Variants in SLC6A2 observed in about 807,000 individuals in gnomAD.
SLC6A2 encodes the protein solute carrier family 6 member 2.
SLC6A2 carries 26 observed loss-of-function variants against 71.7 expected under a neutral mutation model. The observed-to-expected ratio is 0.36, with a 90% confidence interval of 0.27 to 0.50. The LOEUF is 0.50. SLC6A2 is among the 20% of genes least tolerant of loss of function. The pLI is 0.96. For missense variants in SLC6A2, 581 were observed against 803.9 expected (o/e 0.72, Z 3.35); for synonymous variants, 363 against 337.9 (o/e 1.07, Z -0.82).
intron 4 of SLC6A2, 57 bp downstream of exon 4, chr16:55,672,232 A>C: frequency 6.2e-7 from 1 of 1,613,970 alleles, no homozygotes; most frequent in Non-Finnish European, 8.5e-7. Context: ...GTATGACCTG[A>C]GCCAAACACT....
At chr16:55,690,981 T>C (rs569100674) in intron 5 of SLC6A2, among the ~76,000 whole-genome samples, 10 of 152,182 alleles carry the variant, frequency 6.6e-5, no homozygotes, top group African/African-American at 2.2e-4. Flanking sequence ...CTGAATAAGG[T>C]ACGTTGTCTG....
At position 55,672,191 on chromosome 16, in the gene SLC6A2, C is replaced by T. The variant is rs11568342; in HGVS notation, c.644+16C>T. Reference sequence around the variant, plus strand: ...AGTTTTATGAGTAAGTCACAGACCCCTTGTGCTGGGCCTGTTGAGGCCAGT... The same window carrying T: ...AGTTTTATGAGTAAGTCACAGACCCTTTGTGCTGGGCCTGTTGAGGCCAGT... On this transcript the variant is annotated intron_variant, in intron 4 of 14. Transcript: ENST00000568943. The T allele has an allele frequency of 9.1e-5, 147 of 1,614,136 alleles. 1 individual carries two copies. The African/African-American group carries it at 1.4e-3, about 16-fold the overall frequency.
Position 55,698,572 on chromosome 16 carries a change from T to A in SLC6A2, c.1489+4T>A, listed in dbSNP as rs1567457747. On this transcript the variant is annotated splice_donor_region_variant and intron_variant, in intron 11 of 14. Transcript: ENST00000568943. ...ATCGGAGTTTCCTGGTTTTATGGTA[T>A]GTGAGTGTGTGGAAAAGCCTCAGCT... 1.3e-6 allele frequency: 2 copies of A among 1,597,676 alleles called. No homozygotes were observed. The highest frequency in any genetic ancestry group is 1.7e-6 in the Non-Finnish European group (2 of 1,164,910).
chr16:55,700,733 C>T (rs1316651068), intron 13 of SLC6A2, among the ~76,000 whole-genome samples: 1 of 152,188 alleles, frequency 6.6e-6, no homozygotes, highest in Non-Finnish European at 1.5e-5. Flanking sequence ...TTTTCACCTG[C>T]CTCTTTCCAG....
intron 2 of SLC6A2, among the ~76,000 whole-genome samples, chr16:55,668,936 T>G (rs1277242701): frequency 6.6e-6 from 1 of 152,188 alleles, no homozygotes; most frequent in African/African-American, 2.4e-5. Context: ...TTAGACTCCC[T>G]TCTCTGCCCC....
chr16:55,657,978 T>C (rs565273749), intron 2 of SLC6A2, among the ~76,000 whole-genome samples: 1 of 152,030 alleles, frequency 6.6e-6, no homozygotes, highest in East Asian at 1.9e-4. Flanking sequence ...ATAGACCTTT[T>C]GAGGAAGAAA....
At chr16:55,702,191 A>C (rs1447648536) in intron 14 of SLC6A2, 132 bp from the exon 15 acceptor site, 1 of 946,714 alleles carries the variant, frequency 1.1e-6, no homozygotes, top group East Asian at 2.4e-5. Flanking sequence ...ATCAACTTGC[A>C]CGTTCCCTGA....
intron 4 of SLC6A2, among the ~76,000 whole-genome samples, chr16:55,672,905 TA>T (rs1212192052): frequency 6.6e-6 from 1 of 152,224 alleles, no homozygotes; most frequent in African/African-American, 2.4e-5. Flanking sequence ...TTAAAAGTAG[TA>T]AAAATAGTGC....
At chr16:55,702,246 C>T (rs1965994330) in intron 14 of SLC6A2, 77 bp from the exon 15 acceptor site, 12 of 1,424,446 alleles carry the variant, frequency 8.4e-6, no homozygotes, top group Non-Finnish European at 1.2e-5. Flanking sequence ...TCTCTACCTC[C>T]TGCTGCCCCC....
intron 5 of SLC6A2, among the ~76,000 whole-genome samples, chr16:55,691,453 G>A (rs1388810991): frequency 6.6e-6 from 1 of 152,128 alleles, no homozygotes; most frequent in Non-Finnish European, 1.5e-5. Flanking sequence ...GCCAATGCCT[G>A]TATTCATAGC....
chr16:55,689,058 C>A (rs370921143), intron 5 of SLC6A2, among the ~76,000 whole-genome samples: 1 of 152,148 alleles, frequency 6.6e-6, no homozygotes, highest in South Asian at 2.1e-4. Flanking sequence ...TGATGTTGTG[C>A]TCAAAATTGG....
At chr16:55,684,312 A>G (rs539411272) in intron 4 of SLC6A2, among the ~76,000 whole-genome samples, 2 of 151,292 alleles carry the variant, frequency 1.3e-5, no homozygotes, top group Non-Finnish European at 2.9e-5. Flanking sequence ...AAAAAAAAAA[A>G]AAAAACAACA....
At chr16:55,688,814 C>T (rs951990179) in intron 5 of SLC6A2, among the ~76,000 whole-genome samples, 1 of 152,174 alleles carries the variant, frequency 6.6e-6, no homozygotes, top group Admixed American at 6.5e-5. Context: ...ACCTCACCAC[C>T]TTCCTGGGCA....
intron 3 of SLC6A2, among the ~76,000 whole-genome samples, chr16:55,671,153 G>T (rs892234421): frequency 6.6e-6 from 1 of 152,214 alleles, no homozygotes; most frequent in South Asian, 2.1e-4. Context: ...AGTGCGGGAA[G>T]TGATCCTTAG....
At chr16:55,666,876 G>A (rs996775719) in intron 2 of SLC6A2, among the ~76,000 whole-genome samples, 6 of 152,210 alleles carry the variant, frequency 3.9e-5, no homozygotes, top group African/African-American at 1.4e-4. Context: ...ACCCACAGTG[G>A]CGAGGTCGGA....
In SLC6A2 at chr16:55,656,502, C is replaced by A; in HGVS notation, c.-51-142C>A. On this transcript the variant is annotated intron_variant, in intron 1 of 14. Coordinates refer to ENST00000568943, the MANE Select transcript of SLC6A2 (RefSeq NM_001172501.3). The surrounding 1 kb of genome is among the most constrained non-coding windows in gnomAD (Gnocchi z 4.5). Reference sequence around the variant, plus strand: ...AACCTCTGTTTCCAAATTTTTCCAGCGGACGCGCGCCCTTTTCTGGGAACC... The same window carrying A: ...AACCTCTGTTTCCAAATTTTTCCAGAGGACGCGCGCCCTTTTCTGGGAACC... 1.5e-6 allele frequency: 1 copy of A among 672,336 alleles called. No individual in the cohort carries two copies. The highest frequency in any genetic ancestry group is 2.5e-6 in the Non-Finnish European group (1 of 392,374). 41.6% of individuals were successfully genotyped at this position (672,336 alleles called of 1,614,324 possible). A position where few individuals can be genotyped will look rare whatever the true frequency, so the allele number is the denominator to read the frequency against.
intron 7 of SLC6A2, among the ~76,000 whole-genome samples, chr16:55,694,901 G>T (rs1434970484): frequency 2.0e-5 from 3 of 152,194 alleles, no homozygotes; most frequent in South Asian, 4.1e-4. Context: ...TTTATGGTTT[G>T]TTCAGAGTAC....
At position 55,703,384 on chromosome 16, in the gene SLC6A2, C is replaced by G. The variant is rs1966032194; in HGVS notation, c.*1038C>G. 6.1e-6 allele frequency: 6 copies of G among 985,320 alleles called. No homozygotes were observed. Among genetic ancestry groups the G allele is most frequent in the Non-Finnish European group, 6.0e-6 (5 of 829,916 alleles). 61.0% of individuals were successfully genotyped at this position (985,320 alleles called of 1,614,324 possible). On this transcript the variant is annotated 3_prime_UTR_variant, in exon 15 of 15. Coordinates refer to ENST00000568943, the MANE Select transcript of SLC6A2 (RefSeq NM_001172501.3). ...CTCTGGGGATCCCACCTGGAGTGGACCAGGGGTCTTGAGAAATGGAGAGTT... is the reference window on the plus strand; with the variant it reads ...CTCTGGGGATCCCACCTGGAGTGGAGCAGGGGTCTTGAGAAATGGAGAGTT...
chr16:55,659,045 G>A lies in SLC6A2; in HGVS notation c.274+2077G>A, dbSNP rs558704780. On this transcript the variant is annotated intron_variant, in intron 2 of 14. Coordinates refer to ENST00000568943, the MANE Select transcript of SLC6A2 (RefSeq NM_001172501.3). Reference sequence around the variant, plus strand: ...GCCATCCCGCCTGTCCTCAGTGACCGCCCCAGACTGCTTGTCTCTAGACAG... The same window carrying A: ...GCCATCCCGCCTGTCCTCAGTGACCACCCCAGACTGCTTGTCTCTAGACAG... 3.3e-5 allele frequency among the ~76,000 whole-genome samples: 5 copies of A among 152,220 alleles called. No homozygotes were observed. The East Asian group carries it at 7.8e-4, about 24-fold the overall frequency.
Sources: gnomAD v4.1 joint callset for allele counts (sites outside exome capture counted in the v4.1 genomes callset) on GRCh38, gnomAD v4.1.1 for gene constraint, Gnocchi (gnomAD v3.1) non-coding constraint, MANE v1.5 for transcripts, NCBI Gene and HGNC (gene_info 2026-07-23, HGNC 2026-07-21) for gene names.